The following SGCD variants were observed in gnomAD, a reference collection of about 807,000 sequenced individuals.
The protein encoded by SGCD is delta-sarcoglycan.
A neutral mutation model predicts 36.6 loss-of-function variants in SGCD; 18 were observed. The observed-to-expected ratio is 0.49, with a 90% CI of 0.34 to 0.73. The LOEUF (loss-of-function observed/expected upper bound fraction) is 0.73, where lower values mean the gene tolerates loss of function less well. Among genes scored for constraint, SGCD ranks in the 30% least tolerant of loss-of-function variants. SGCD has a pLI of 0.01. For missense variants in SGCD, 387 were observed against 346.7 expected (o/e 1.12, Z -0.92); for synonymous variants, 133 against 130.6 (o/e 1.02, Z -0.12).
intron 1 of SGCD, among the ~76,000 whole-genome samples, chr5:156,095,288 G>A (rs1761348009): frequency 6.6e-6 from 1 of 152,132 alleles, no homozygotes; most frequent in East Asian, 1.9e-4. Context: ...GCAGGGGAGG[G>A]GAGATGGAAA....
intron 1 of SGCD, among the ~76,000 whole-genome samples, chr5:155,900,749 G>T (rs1561643603): frequency 6.6e-6 from 1 of 151,854 alleles, no homozygotes; most frequent in South Asian, 2.1e-4. Flanking sequence ...GATTTTGAAG[G>T]AGTATATAAT....
intron 1 of SGCD, among the ~76,000 whole-genome samples, chr5:156,092,048 C>T (rs1366988474): frequency 6.6e-6 from 1 of 152,236 alleles, no homozygotes; most frequent in African/African-American, 2.4e-5. Flanking sequence ...GCAATCCCAA[C>T]ACTCAGGCTG....
intron 1 of SGCD, among the ~76,000 whole-genome samples, chr5:156,072,258 G>A (rs1318094372): frequency 6.6e-6 from 1 of 152,078 alleles, no homozygotes; most frequent in African/African-American, 2.4e-5. Flanking sequence ...TGATTTTGCA[G>A]TGGCTGGTAC....
chr5:156,674,640 C>T (rs1753437354), intron 7 of SGCD, among the ~76,000 whole-genome samples: 1 of 152,134 alleles, frequency 6.6e-6, no homozygotes, highest in South Asian at 2.1e-4. Context: ...AAATAATACT[C>T]AGGTCTGCTC....
At chr5:156,456,335 T>C (rs1296478463) in intron 3 of SGCD, among the ~76,000 whole-genome samples, 1 of 152,160 alleles carries the variant, frequency 6.6e-6, no homozygotes, top group African/African-American at 2.4e-5. Flanking sequence ...TTAGAGAATA[T>C]GTGTATCATC....
chr5:156,705,667 TAAG>T (rs888648490), intron 7 of SGCD, among the ~76,000 whole-genome samples: 1 of 152,164 alleles, frequency 6.6e-6, no homozygotes, highest in African/African-American at 2.4e-5. Flanking sequence ...CTGTACTGAT[TAAG>T]AAGAACTCAA....
In SGCD at chr5:156,613,927, T is replaced by C. The variant is rs184865124; in HGVS notation, c.502+18876T>C. The stretch of plus-strand genomic sequence containing the variant: ...GCATTTGATCCTCACAACAACCCTA[T>C]TAGGAGGGTACAGGCTGGCTGGCTT... On this transcript the variant is annotated intron_variant, in intron 6 of 8. Transcript: ENST00000337851. Among the ~76,000 whole-genome samples the C allele has an allele frequency of 1.7e-3, 254 of 152,272 alleles. 1 individual carries two copies. Among genetic ancestry groups the C allele is most frequent in the African/African-American group, 5.8e-3 (242 of 41,534 alleles).
At chr5:156,280,743 G>T (rs1766432941) in intron 3 of SGCD, among the ~76,000 whole-genome samples, 1 of 152,210 alleles carries the variant, frequency 6.6e-6, no homozygotes, top group Admixed American at 6.5e-5. Flanking sequence ...GCAGTCCACA[G>T]AGGGGGAAAG....
chr5:155,877,237 C>T (rs1045387442), intron 1 of SGCD, among the ~76,000 whole-genome samples: 1 of 152,100 alleles, frequency 6.6e-6, no homozygotes, highest in Non-Finnish European at 1.5e-5. Flanking sequence ...GAAATGGCCA[C>T]ATCCGTAAGC....
intron 1 of SGCD, among the ~76,000 whole-genome samples, chr5:155,945,134 A>T (rs376563869): frequency 6.6e-6 from 1 of 152,196 alleles, no homozygotes; most frequent in African/African-American, 2.4e-5. Context: ...ACTGTCTACA[A>T]ATGAAAATTT....
intron 1 of SGCD, among the ~76,000 whole-genome samples, chr5:156,024,739 C>T (rs1486776908): frequency 1.3e-5 from 2 of 152,104 alleles, no homozygotes; most frequent in Non-Finnish European, 2.9e-5. Context: ...GGGCAGATTG[C>T]CTGAGTTTAG....
At position 156,762,187 on chromosome 5, in the gene SGCD, A is replaced by T. The variant is rs771116351; in HGVS notation, c.*2797A>T. On this transcript the variant is annotated 3_prime_UTR_variant, in exon 9 of 9. Coordinates refer to ENST00000337851, the MANE Select transcript of SGCD (RefSeq NM_000337.6). ...AGATTCTTTCTAATCTTTATATATGACATTTTCTAGACAATCGCACCTTTG... is the reference window on the plus strand; with the variant it reads ...AGATTCTTTCTAATCTTTATATATGTCATTTTCTAGACAATCGCACCTTTG... The T allele has an allele frequency of 2.6e-4, 40 of 152,622 alleles. No homozygotes were observed. Among genetic ancestry groups the T allele is most frequent in the Admixed American group, 5.2e-4 (8 of 15,276 alleles). The allele number at this position is 152,622 out of a possible 1,614,324, so 9.5% of individuals were successfully genotyped here. A position where few individuals can be genotyped will look rare whatever the true frequency, so the allele number is the denominator to read the frequency against.
At chr5:156,024,784 C>T (rs2127574171) in intron 1 of SGCD, among the ~76,000 whole-genome samples, 2 of 151,838 alleles carry the variant, frequency 1.3e-5, no homozygotes, top group South Asian at 4.2e-4. Context: ...ATGGTGAAAC[C>T]CCGTTTCTAC....
At chr5:155,920,641 C>T (rs372524079) in intron 1 of SGCD, among the ~76,000 whole-genome samples, 4 of 152,104 alleles carry the variant, frequency 2.6e-5, no homozygotes, top group Admixed American at 6.6e-5. Flanking sequence ...CATCAGAGTC[C>T]GAAATTTGAG....
intron 3 of SGCD, among the ~76,000 whole-genome samples, chr5:156,250,628 G>C (rs1367717315): frequency 6.6e-6 from 1 of 152,132 alleles, no homozygotes; most frequent in Non-Finnish European, 1.5e-5. Context: ...TGTTCCTTTT[G>C]TTTGTAATAT....
the SGCD span, among the ~76,000 whole-genome samples, chr5:155,729,942 C>T: frequency 2.0e-4 from 31 of 152,190 alleles, no homozygotes; most frequent in African/African-American, 7.5e-4. Flanking sequence ...ATCCCAGCTC[C>T]TCCGGCTGGG....
intron 6 of SGCD, among the ~76,000 whole-genome samples, chr5:156,633,121 C>T (rs540935078): frequency 3.3e-5 from 5 of 152,200 alleles, no homozygotes; most frequent in Non-Finnish European, 7.3e-5. Context: ...TCTTGCACAT[C>T]TTTCAACATG....
chr5:156,556,947 C>T (rs929690535), intron 4 of SGCD, among the ~76,000 whole-genome samples: 39 of 152,276 alleles, frequency 2.6e-4, no homozygotes, highest in African/African-American at 8.9e-4. Flanking sequence ...GCAAATTTCA[C>T]ATGTTCTAGA....
At chr5:155,942,517 A>G (rs1757349663) in intron 1 of SGCD, among the ~76,000 whole-genome samples, 1 of 152,160 alleles carries the variant, frequency 6.6e-6, no homozygotes, top group East Asian at 1.9e-4. Context: ...GGAAGCCCCA[A>G]TTCTTCATAT....
Sources: gnomAD v4.1 joint callset for allele counts (sites outside exome capture counted in the v4.1 genomes callset) on GRCh38, gnomAD v4.1.1 for gene constraint, MANE v1.5 for transcripts, NCBI Gene and HGNC (gene_info 2026-07-23, HGNC 2026-07-21) for gene names.